BAZ1A: variants seen among roughly 807,000 people sequenced by gnomAD.
BAZ1A encodes the protein bromodomain adjacent to zinc finger domain 1A.
Under a neutral mutation model 185.2 loss-of-function variants are expected in BAZ1A, and 50 were observed. The observed-to-expected ratio is 0.27, with a 90% CI of 0.22 to 0.34. The LOEUF (loss-of-function observed/expected upper bound fraction) is 0.34, where lower values mean the gene tolerates loss of function less well. Among genes scored for constraint, BAZ1A ranks in the 10% least tolerant of loss-of-function variants. The pLI is 1.00. For synonymous variants in BAZ1A, 571 were observed against 615.6 expected (o/e 0.93, Z 1.07); for missense variants, 1,356 against 1,839.9 (o/e 0.74, Z 4.81).
At chr14:34,875,043 C>T in intron 1 of BAZ1A, 95 bp downstream of exon 1, 1 of 259,394 alleles carries the variant, frequency 3.9e-6, no homozygotes, top group Non-Finnish European at 7.7e-6. Context: ...GCCGCCAGAG[C>T]GCTCGCCGCG....
intron 14 of BAZ1A, among the ~76,000 whole-genome samples, chr14:34,785,153 G>C (rs1880356289): frequency 6.6e-6 from 1 of 152,186 alleles, no homozygotes; most frequent in Non-Finnish European, 1.5e-5. Flanking sequence ...ACTGTTCCCA[G>C]CCCTCAAGTT....
chr14:34,836,861 G>A (rs1446492031), intron 3 of BAZ1A, among the ~76,000 whole-genome samples: 2 of 151,938 alleles, frequency 1.3e-5, no homozygotes, highest in East Asian at 1.9e-4. Context: ...TGAGAAAAAA[G>A]GAAAAGATTG....
chr14:34,824,236 T>G (rs1368922862), intron 4 of BAZ1A, among the ~76,000 whole-genome samples: 1 of 145,028 alleles, frequency 6.9e-6, no homozygotes, highest in East Asian at 2.0e-4. Flanking sequence ...TAGCCAGGCA[T>G]GGTAGCACGC....
At position 34,874,457 on chromosome 14, in the gene BAZ1A, AC is replaced by A. The variant is rs1224990629; in HGVS notation, c.113+34del. 4 of 1,546,392 alleles carry A rather than the reference AC, an allele frequency of 2.6e-6. No individual in the cohort carries two copies. The highest frequency in any genetic ancestry group is 2.8e-5 in the African/African-American group (2 of 71,908). The stretch of plus-strand genomic sequence containing the variant: ...AGAGCGCTGCGGGGGGAGTCCCCAC[AC>A]CCCCCGCGGCCCCGCACACGGCCCG... On this transcript the variant is annotated intron_variant, in intron 2 of 26. Transcript: ENST00000360310. This position sits in a 1 kb window ranked among gnomAD's most constrained non-coding sequence, Gnocchi z 4.7.
chr14:34,753,454 C>T lies in BAZ1A; in HGVS notation c.*54G>A. The T allele has an allele frequency of 1.3e-6, 2 of 1,568,722 alleles. No individual in the cohort carries two copies. Among genetic ancestry groups the T allele is most frequent in the Admixed American group, 1.7e-5 (1 of 58,048 alleles). ...GCTTTATACAGCATGATTTAATGTT[C>T]CATTTTCATGAACAATTTGTTTTTC... is the stretch of plus-strand genomic sequence containing the variant. On this transcript the variant is annotated 3_prime_UTR_variant, in exon 27 of 27. Coordinates refer to ENST00000360310, the MANE Select transcript of BAZ1A (RefSeq NM_013448.3).
At position 34,874,857 on chromosome 14, in the gene BAZ1A, A is replaced by G. The variant is rs1045805848; in HGVS notation, c.-58-195T>C. ...GAGCCGCCGCCGCCCCTGCCCCCCG[A>G]GCGCGCCCTACCTCCTCTCGTCCTG... On this transcript the variant is annotated intron_variant, in intron 1 of 26. Transcript: ENST00000360310. This position sits in a 1 kb window ranked among gnomAD's most constrained non-coding sequence, Gnocchi z 4.7. The G allele has an allele frequency of 7.7e-6, 3 of 390,904 alleles. No individual in the cohort carries two copies. Among genetic ancestry groups the G allele is most frequent in the South Asian group, 3.5e-5 (1 of 28,700 alleles). 24.2% of individuals were successfully genotyped at this position (390,904 alleles called of 1,614,324 possible). A position where few individuals can be genotyped will look rare whatever the true frequency, so the allele number is the denominator to read the frequency against.
Position 34,786,019 on chromosome 14 carries a change from G to T in BAZ1A, c.1607-18C>A. 1.2e-6 allele frequency: 2 copies of T among 1,607,818 alleles called. No homozygotes were observed. Among genetic ancestry groups the T allele is most frequent in the South Asian group, 2.2e-5 (2 of 90,442 alleles). ...ACTGCAGCCTATAGTTGTTAAAAAT[G>T]AAATAGTCATTTAGAATATAAACAA... On this transcript the variant is annotated intron_variant, in intron 13 of 26. Transcript: ENST00000360310.
In BAZ1A at chr14:34,753,300, T is replaced by TATCA; in HGVS notation, c.*204_*207dup. 1 of 548,754 alleles carries TATCA rather than the reference T, an allele frequency of 1.8e-6. No homozygotes were observed. The highest frequency in any genetic ancestry group is 3.2e-6 in the Non-Finnish European group (1 of 311,030). The allele number at this position is 548,754 out of a possible 1,614,324, so 34.0% of individuals were successfully genotyped here. The stretch of plus-strand genomic sequence containing the variant: ...AAACCAGTACTGTATCCAATACATC[T>TATCA]ATCAAACTTATTAGATACTGAACAA... On this transcript the variant is annotated 3_prime_UTR_variant, in exon 27 of 27. Coordinates refer to ENST00000360310, the MANE Select transcript of BAZ1A (RefSeq NM_013448.3).
At chr14:34,832,892 G>C (rs2042270859) in intron 3 of BAZ1A, among the ~76,000 whole-genome samples, 1 of 152,154 alleles carries the variant, frequency 6.6e-6, no homozygotes, top group Admixed American at 6.5e-5. Context: ...ATTCACAATA[G>C]CTAAAAGGTG....
intron 3 of BAZ1A, chr14:34,845,385 CT>C (rs918240647): frequency 1.3e-5 from 2 of 151,160 alleles, no homozygotes; most frequent in African/African-American, 4.9e-5. Flanking sequence ...TGGATGACCT[CT>C]GAATTTGTCT....
At chr14:34,860,153 A>T (rs2042744434) in intron 3 of BAZ1A, among the ~76,000 whole-genome samples, 1 of 152,170 alleles carries the variant, frequency 6.6e-6, no homozygotes, top group African/African-American at 2.4e-5. Context: ...TTTTTTTAAC[A>T]GAGTACATTC....
In BAZ1A at chr14:34,754,835, T is replaced by C. The variant is rs750781046; in HGVS notation, c.4466A>G (p.Lys1489Arg). 4.4e-6 allele frequency: 7 copies of C among 1,582,842 alleles called. No individual in the cohort carries two copies. The Admixed American group carries it at 1.2e-4, about 28-fold the overall frequency. The stretch of plus-strand genomic sequence containing the variant: ...AAACATAAATTACTTACATGCTAAT[T>C]TATATTCACACTTATTCACTTTTTC... Reference protein sequence around the residue: ...IREKVNKCEYKLASEFIDDIE... With the variant: ...IREKVNKCEYRLASEFIDDIE... Residue 1489 changes from lysine to arginine, a missense_variant, in exon 26 of 27, where the codon AAA becomes AGA. Coordinates refer to ENST00000360310, the MANE Select transcript of BAZ1A (RefSeq NM_013448.3).
intron 3 of BAZ1A, among the ~76,000 whole-genome samples, chr14:34,831,924 C>T (rs953467489): frequency 6.6e-6 from 1 of 151,874 alleles, no homozygotes; most frequent in Non-Finnish European, 1.5e-5. Context: ...TGGCTGGGTG[C>T]GACAGATCAC....
intron 3 of BAZ1A, among the ~76,000 whole-genome samples, chr14:34,840,838 C>A (rs1301650863): frequency 6.6e-6 from 1 of 152,136 alleles, no homozygotes; most frequent in Non-Finnish European, 1.5e-5. Context: ...ATTCTTCTAG[C>A]TGGTATTTTC....
rs776187406 is a variant in BAZ1A, at chr14:34,783,930, G to A, written c.1832-3C>T. On this transcript the variant is annotated splice_region_variant and splice_polypyrimidine_tract_variant and intron_variant, in intron 14 of 26. Transcript: ENST00000360310. Reference sequence around the variant, plus strand: ...ATGGAGTATCTTCATTTTTTCTCCTGTCAAAAATTGGTAAATACTTCTGTA... The same window carrying A: ...ATGGAGTATCTTCATTTTTTCTCCTATCAAAAATTGGTAAATACTTCTGTA... 8.9e-6 allele frequency: 14 copies of A among 1,580,314 alleles called. No individual in the cohort carries two copies. Among genetic ancestry groups the A allele is most frequent in the Non-Finnish European group, 1.2e-5 (14 of 1,168,238 alleles).
intron 4 of BAZ1A, among the ~76,000 whole-genome samples, chr14:34,811,819 A>G (rs1357953981): frequency 6.6e-6 from 1 of 152,224 alleles, no homozygotes; most frequent in East Asian, 1.9e-4. Flanking sequence ...AAAAAATAAA[A>G]ATAAAAAAAG....
intron 3 of BAZ1A, among the ~76,000 whole-genome samples, chr14:34,858,869 C>T (rs191676259): frequency 2.6e-5 from 4 of 152,172 alleles, no homozygotes; most frequent in Admixed American, 2.6e-4. Context: ...GAACTCACCA[C>T]GTTGATATCT....
intron 25 of BAZ1A, among the ~76,000 whole-genome samples, chr14:34,757,839 C>T (rs551935192): frequency 4.0e-5 from 6 of 149,962 alleles, no homozygotes; most frequent in South Asian, 2.1e-4. Flanking sequence ...TTCTGCCTCC[C>T]GGGTTCAAGT....
At position 34,875,357 on chromosome 14, in the gene BAZ1A, G is replaced by C. The variant is rs1421761308; in HGVS notation, c.-278C>G. ...AAGTTTCTGATCTACTTTCGGCTCTGAAGGAGGAAGAGCTGTTGGGAGGAG... is the reference window on the plus strand; with the variant it reads ...AAGTTTCTGATCTACTTTCGGCTCTCAAGGAGGAAGAGCTGTTGGGAGGAG... On this transcript the variant is annotated 5_prime_UTR_variant, in exon 1 of 27. Transcript: ENST00000360310. The C allele has an allele frequency of 2.2e-6, 1 of 456,008 alleles. No homozygotes were observed. Among genetic ancestry groups the C allele is most frequent in the Non-Finnish European group, 4.4e-6 (1 of 226,820 alleles). The allele number at this position is 456,008 out of a possible 1,614,324, so 28.2% of individuals were successfully genotyped here.
Sources: allele counts gnomAD v4.1 joint callset (sites outside exome capture counted in the v4.1 genomes callset), GRCh38; gene constraint gnomAD v4.1.1; non-coding constraint Gnocchi (gnomAD v3.1); transcripts MANE v1.5; gene names NCBI Gene and HGNC (gene_info 2026-07-23, HGNC 2026-07-21).